KIRREL1: variants seen among roughly 807,000 people sequenced by gnomAD.
KIRREL1 encodes the protein kin of IRRE-like protein 1.
A neutral mutation model predicts 83.3 loss-of-function variants in KIRREL1; 25 were observed. The ratio of observed to expected loss-of-function variants is 0.30; its 90% confidence interval spans 0.22 to 0.42. KIRREL1 has a LOEUF of 0.42. Among genes scored for constraint, KIRREL1 ranks in the 10% least tolerant of loss-of-function variants. The pLI, the probability that KIRREL1 is intolerant of heterozygous loss-of-function variation, is 1.00. For missense variants in KIRREL1, 812 were observed against 1,032.3 expected (o/e 0.79, Z 2.92); for synonymous variants, 388 against 410.4 (o/e 0.95, Z 0.66).
chr1:158,094,326 A>G lies in KIRREL1; in HGVS notation c.1733A>G (p.Asp578Gly). 1.4e-6 allele frequency: 2 copies of G among 1,476,722 alleles called. No individual in the cohort carries two copies. Among genetic ancestry groups the G allele is most frequent in the Non-Finnish European group, 1.9e-6 (2 of 1,067,478 alleles). 91.5% of individuals were successfully genotyped at this position (1,476,722 alleles called of 1,614,324 possible). Residue 578 changes from aspartate to glycine, a missense_variant, in exon 14 of 15, where the codon GAT becomes GGT. Asp to Gly is a moderately conservative substitution (Grantham distance 94, BLOSUM62 -1). Around this residue, in one of 3 missense-constraint regions of KIRREL1, gnomAD observed 334 missense variants for 383.7 expected, o/e 0.87. Coordinates refer to ENST00000359209, the MANE Select transcript of KIRREL1 (RefSeq NM_018240.7). The surrounding 1 kb of genome is among the most constrained non-coding windows in gnomAD (Gnocchi z 4.6). ...MKAIYSSFKD[D>G]VDLKQDLRCD... Reference sequence around the variant, plus strand: ...GCTGCTCCACAGTCGTTTAAGGATGATGTGGATCTGAAGCAGGACCTGCGC... The same window carrying G: ...GCTGCTCCACAGTCGTTTAAGGATGGTGTGGATCTGAAGCAGGACCTGCGC...
At chr1:158,027,750 A>G (rs902430889) in intron 1 of KIRREL1, among the ~76,000 whole-genome samples, 18 of 152,372 alleles carry the variant, frequency 1.2e-4, no homozygotes, top group South Asian at 4.1e-4. Context: ...AGCTGAAAGC[A>G]CTTGGCGCAT....
intron 3 of KIRREL1, among the ~76,000 whole-genome samples, chr1:158,083,765 G>T (rs1408580673): frequency 6.6e-6 from 1 of 152,162 alleles, no homozygotes; most frequent in Non-Finnish European, 1.5e-5. Flanking sequence ...TGTACTCAGG[G>T]CCTGAGATAG....
At chr1:158,033,408 C>T (rs1330376712) in intron 1 of KIRREL1, among the ~76,000 whole-genome samples, 2 of 152,224 alleles carry the variant, frequency 1.3e-5, no homozygotes, top group South Asian at 4.1e-4. Context: ...CCACTATCCC[C>T]ATGCCTCACC....
In KIRREL1 at chr1:158,036,167, C is replaced by T. The variant is rs573557224; in HGVS notation, c.53-39946C>T. Reference sequence around the variant, plus strand: ...TTGACATTACAATGCAAGTAGACTACGGTGCAAATGGCGCCCCCTGGAGCA... The same window carrying T: ...TTGACATTACAATGCAAGTAGACTATGGTGCAAATGGCGCCCCCTGGAGCA... On this transcript the variant is annotated intron_variant, in intron 1 of 14. Coordinates refer to ENST00000359209, the MANE Select transcript of KIRREL1 (RefSeq NM_018240.7). 3.9e-5 allele frequency among the ~76,000 whole-genome samples: 6 copies of T among 152,294 alleles called. No individual in the cohort carries two copies. The East Asian group carries it at 5.8e-4, about 15-fold the overall frequency.
rs1210602170 is a variant in KIRREL1, at chr1:158,094,852, G to A, written c.2006G>A (p.Gly669Asp). Residue 669 changes from glycine (G) to aspartate (D), a missense_variant, in exon 15 of 15, where the codon GGC becomes GAC. By Grantham distance (94) the Gly-to-Asp change is moderately conservative. This residue lies in a region of KIRREL1 where 334 missense variants were observed against 383.7 expected (regional missense o/e 0.87). Coordinates refer to ENST00000359209, the MANE Select transcript of KIRREL1 (RefSeq NM_018240.7). The surrounding 1 kb of genome is among the most constrained non-coding windows in gnomAD (Gnocchi z 4.6). The stretch of plus-strand genomic sequence containing the variant: ...TATGGCCCTGAGCCCACACCCCCTG[G>A]CCCTGCTGCCCCAGCTGGCACTGAC... ...SDYGPEPTPPGPAAPAGTDTT... is the reference protein window; with the variant it reads ...SDYGPEPTPPDPAAPAGTDTT... 5.6e-6 allele frequency: 9 copies of A among 1,613,908 alleles called. No homozygotes were observed. Among genetic ancestry groups the A allele is most frequent in the Non-Finnish European group, 7.6e-6 (9 of 1,179,956 alleles).
intron 1 of KIRREL1, among the ~76,000 whole-genome samples, chr1:158,036,228 A>G (rs12087523): frequency 8.7e-4 from 133 of 152,316 alleles, no homozygotes; most frequent in African/African-American, 3.1e-3. Context: ...TTATTTATTC[A>G]TTTATTCATT....
intron 8 of KIRREL1, among the ~76,000 whole-genome samples, chr1:158,088,911 C>G (rs907123835): frequency 6.6e-6 from 1 of 151,890 alleles, no homozygotes; most frequent in Non-Finnish European, 1.5e-5. Context: ...AAAGTGCTTA[C>G]GGTTATCCCC....
At chr1:158,044,837 T>C (rs1011967662) in intron 1 of KIRREL1, among the ~76,000 whole-genome samples, 8 of 152,220 alleles carry the variant, frequency 5.3e-5, no homozygotes, top group African/African-American at 1.7e-4. Flanking sequence ...GGACCTTATA[T>C]GGCTTCTGTC....
intron 1 of KIRREL1, among the ~76,000 whole-genome samples, chr1:158,010,105 T>C (rs1659630657): frequency 6.6e-6 from 1 of 152,004 alleles, no homozygotes; most frequent in Non-Finnish European, 1.5e-5. Flanking sequence ...CTCCTTCCTA[T>C]CCGGTAAGAG....
At chr1:158,033,888 A>C (rs1660395286) in intron 1 of KIRREL1, among the ~76,000 whole-genome samples, 1 of 152,102 alleles carries the variant, frequency 6.6e-6, no homozygotes, top group Non-Finnish European at 1.5e-5. Context: ...CTGAGGCAGG[A>C]GAATTGCTTG....
intron 1 of KIRREL1, among the ~76,000 whole-genome samples, chr1:158,006,039 T>C (rs898056210): frequency 1.3e-5 from 2 of 152,148 alleles, no homozygotes; most frequent in Admixed American, 1.3e-4. Flanking sequence ...CACATTTAGC[T>C]ATCTGCAAGT....
At chr1:158,056,533 A>G (rs1374248712) in intron 1 of KIRREL1, among the ~76,000 whole-genome samples, 1 of 152,126 alleles carries the variant, frequency 6.6e-6, no homozygotes, top group African/African-American at 2.4e-5. Context: ...GGGCTTAGGA[A>G]AAAGAGGAGC....
intron 1 of KIRREL1, among the ~76,000 whole-genome samples, chr1:158,042,150 C>T (rs1181231719): frequency 6.6e-6 from 1 of 151,914 alleles, no homozygotes; most frequent in Admixed American, 6.5e-5. Context: ...AGAGCTCCTC[C>T]AACACCAGAA....
chr1:158,071,356 G>A (rs969262426), intron 1 of KIRREL1, among the ~76,000 whole-genome samples: 7 of 151,852 alleles, frequency 4.6e-5, no homozygotes, highest in African/African-American at 1.2e-4. Flanking sequence ...GTGTGAGTGC[G>A]TGTGAGTATG....
At chr1:158,085,503 TTTC>T (rs1558015918) in intron 4 of KIRREL1, among the ~76,000 whole-genome samples, 1 of 152,238 alleles carries the variant, frequency 6.6e-6, no homozygotes, top group South Asian at 2.1e-4. Context: ...AACTGTGATT[TTTC>T]TTCATCAGGG....
chr1:158,004,899 G>A (rs1659472614), intron 1 of KIRREL1, among the ~76,000 whole-genome samples: 1 of 152,156 alleles, frequency 6.6e-6, no homozygotes, highest in Admixed American at 6.5e-5. Context: ...AGTGGAGATG[G>A]TGCCACTGCA....
intron 3 of KIRREL1, among the ~76,000 whole-genome samples, chr1:158,082,273 T>C (rs1339316650): frequency 2.0e-5 from 3 of 152,124 alleles, no homozygotes; most frequent in Non-Finnish European, 4.4e-5. Flanking sequence ...TCATCTGACC[T>C]TCATGAGGCT....
At chr1:158,060,016 A>T (rs9787131) in intron 1 of KIRREL1, among the ~76,000 whole-genome samples, 131,330 of 152,096 alleles carry the variant, frequency 0.86, 57,122 homozygotes, top group Non-Finnish European at 0.92. Flanking sequence ...GGTTTCTGTG[A>T]AAGTTCCTTC....
chr1:157,993,674 A>G lies in KIRREL1; in HGVS notation c.-3A>G. ...GCGGGCGGGCGCACGGCGGGCGGAC[A>G]GCATGCTGAGCCTCCTCGTCTGGAT... is the stretch of plus-strand genomic sequence containing the variant. On this transcript the variant is annotated 5_prime_UTR_variant, in exon 1 of 15. Coordinates refer to ENST00000359209, the MANE Select transcript of KIRREL1 (RefSeq NM_018240.7). 4 of 1,474,764 alleles carry G rather than the reference A, an allele frequency of 2.7e-6. No individual in the cohort carries two copies. The highest frequency in any genetic ancestry group is 1.5e-5 in the African/African-American group (1 of 68,142). The allele number at this position is 1,474,764 out of a possible 1,614,324, so 91.4% of individuals were successfully genotyped here.
Sources: allele counts gnomAD v4.1 joint callset (sites outside exome capture counted in the v4.1 genomes callset), GRCh38; gene constraint gnomAD v4.1.1; regional missense constraint gnomAD v4.1.1; non-coding constraint Gnocchi (gnomAD v3.1); transcripts MANE v1.5; gene names NCBI Gene and HGNC (gene_info 2026-07-23, HGNC 2026-07-21).